The following COL24A1 variants were observed in gnomAD, a reference collection of about 807,000 sequenced individuals.
The protein encoded by COL24A1 is collagen type XXIV alpha 1 chain, also known as collagen alpha-1(XXIV) chain.
COL24A1 carries 224 observed loss-of-function variants against 253.9 expected under a neutral mutation model. The observed-to-expected ratio is 0.88, with a 90% CI of 0.79 to 0.99. The LOEUF (loss-of-function observed/expected upper bound fraction) is 0.99. Ranked by LOEUF, COL24A1 falls within the 50% of genes least tolerant of loss-of-function variation. COL24A1 has a pLI of 0.00. For missense variants in COL24A1, 2,131 were observed against 2,068.5 expected (o/e 1.03, Z -0.59); for synonymous variants, 685 against 673.7 (o/e 1.02, Z -0.26).
chr1:86,028,391 T>C (rs540956672), intron 14 of COL24A1, among the ~76,000 whole-genome samples: 9 of 152,166 alleles, frequency 5.9e-5, no homozygotes, highest in Admixed American at 5.2e-4. Flanking sequence ...GTGGACATAA[T>C]TGGATCATGG....
intron 24 of COL24A1, among the ~76,000 whole-genome samples, chr1:85,937,469 T>A (rs1237650161): frequency 6.8e-6 from 1 of 147,646 alleles, no homozygotes; most frequent in Non-Finnish European, 1.5e-5. Flanking sequence ...TGTGAAGATC[T>A]TTGTATCACA....
At chr1:85,875,217 A>T in intron 34 of COL24A1, 60 bp downstream of exon 34, 1 of 1,423,700 alleles carries the variant, frequency 7.0e-7, no homozygotes, top group Non-Finnish European at 9.9e-7. Flanking sequence ...CAATGGTAGC[A>T]AATGTAGGGG....
intron 43 of COL24A1, among the ~76,000 whole-genome samples, chr1:85,831,966 A>G (rs192907728): frequency 3.5e-4 from 53 of 152,148 alleles, no homozygotes; most frequent in Admixed American, 7.2e-4. Context: ...TTTTGTTGAC[A>G]TTGCTTTTGG....
At chr1:85,820,535 C>T (rs1197590158) in intron 45 of COL24A1, among the ~76,000 whole-genome samples, 6 of 152,098 alleles carry the variant, frequency 3.9e-5, no homozygotes, top group Admixed American at 1.3e-4. Context: ...AACTGTGGGC[C>T]AAAAGTGATG....
intron 19 of COL24A1, among the ~76,000 whole-genome samples, chr1:86,003,317 G>T (rs1003669056): frequency 1.3e-5 from 2 of 152,166 alleles, no homozygotes; most frequent in Non-Finnish European, 2.9e-5. Context: ...ATGGGCACTA[G>T]CAGCAATCCA....
chr1:85,933,350 T>A (rs1687971941), intron 24 of COL24A1, among the ~76,000 whole-genome samples: 2 of 146,508 alleles, frequency 1.4e-5, no homozygotes, highest in Non-Finnish European at 1.5e-5. Context: ...GTTTTTGCTG[T>A]GTTTCACAGA....
At chr1:85,980,630 C>T (rs114944659) in intron 20 of COL24A1, among the ~76,000 whole-genome samples, 477 of 152,208 alleles carry the variant, frequency 3.1e-3, no homozygotes, top group Middle Eastern at 0.01. Context: ...CTAACCAAGG[C>T]GGGTGCGGTG....
intron 24 of COL24A1, among the ~76,000 whole-genome samples, chr1:85,920,463 C>T (rs760381682): frequency 9.1e-4 from 138 of 152,200 alleles, no homozygotes; most frequent in African/African-American, 1.4e-3. Context: ...ATACTATAGA[C>T]GGCTTTGAAT....
chr1:85,896,138 C>T, intron 29 of COL24A1, 73 bp from the exon 30 acceptor site: 1 of 1,401,446 alleles, frequency 7.1e-7, no homozygotes, highest in East Asian at 2.3e-5. Context: ...CATATGCTAG[C>T]ATACACTCAC....
chr1:85,959,676 A>AT (rs974478595), intron 24 of COL24A1, among the ~76,000 whole-genome samples: 3 of 152,084 alleles, frequency 2.0e-5, no homozygotes, highest in Non-Finnish European at 4.4e-5. Context: ...AATAAATGTT[A>AT]TTTTCCCTCC....
intron 39 of COL24A1, among the ~76,000 whole-genome samples, chr1:85,844,158 A>G (rs757083873): frequency 1.1e-4 from 16 of 152,256 alleles, no homozygotes; most frequent in South Asian, 2.1e-4. Flanking sequence ...GAATCTTTTG[A>G]CAAAATTTGA....
intron 19 of COL24A1, among the ~76,000 whole-genome samples, chr1:86,015,832 C>T (rs973420829): frequency 4.6e-5 from 7 of 151,530 alleles, no homozygotes; most frequent in Non-Finnish European, 1.0e-4. Context: ...TTCCTATTAC[C>T]TCTCTATTGG....
intron 39 of COL24A1, among the ~76,000 whole-genome samples, 189 bp from the exon 40 acceptor site, chr1:85,842,582 T>C (rs1277059983): frequency 6.6e-6 from 1 of 152,108 alleles, no homozygotes; most frequent in Non-Finnish European, 1.5e-5. Flanking sequence ...ACACAAAAAG[T>C]TCTGCAACAA....
At chr1:85,845,270 G>C (rs1436083276) in intron 39 of COL24A1, among the ~76,000 whole-genome samples, 1 of 151,736 alleles carries the variant, frequency 6.6e-6, no homozygotes, top group African/African-American at 2.4e-5. Flanking sequence ...GAAAGCATGG[G>C]TTTATCTAAA....
At chr1:85,912,391 T>C (rs1183480969) in intron 24 of COL24A1, among the ~76,000 whole-genome samples, 15 of 152,214 alleles carry the variant, frequency 9.9e-5, no homozygotes, top group Admixed American at 9.8e-4. Context: ...AATCTCTTTC[T>C]TGTCTTAAAT....
intron 28 of COL24A1, among the ~76,000 whole-genome samples, chr1:85,899,935 T>C (rs1684109494): frequency 6.6e-6 from 1 of 152,202 alleles, no homozygotes; most frequent in South Asian, 2.1e-4. Flanking sequence ...CTGTGCTTTA[T>C]TAAGTTTATA....
chr1:85,846,001 T>C (rs926873688), intron 39 of COL24A1, among the ~76,000 whole-genome samples: 1 of 151,650 alleles, frequency 6.6e-6, no homozygotes, highest in Non-Finnish European at 1.5e-5. Flanking sequence ...CACAATAGTA[T>C]AGTAAGTAAA....
intron 16 of COL24A1, 24 bp from the exon 17 acceptor site, chr1:86,022,615 A>C: frequency 6.2e-7 from 1 of 1,605,422 alleles, no homozygotes; most frequent in Non-Finnish European, 8.5e-7. Context: ...TTTCATGCAA[A>C]GATACTTATG....
At chr1:85,875,746 CA>C (rs1446316067) in intron 33 of COL24A1, among the ~76,000 whole-genome samples, 1 of 93,978 alleles carries the variant, frequency 1.1e-5, no homozygotes, top group East Asian at 4.1e-4. Flanking sequence ...CACACACACA[CA>C]CACACACACA....
Sources: allele counts gnomAD v4.1 joint callset (sites outside exome capture counted in the v4.1 genomes callset), GRCh38; gene constraint gnomAD v4.1.1; transcripts MANE v1.5; gene names NCBI Gene and HGNC (gene_info 2026-07-23, HGNC 2026-07-21).